The following GRM7 variants were observed in gnomAD, a reference collection of about 807,000 sequenced individuals.
GRM7 encodes glutamate metabotropic receptor 7.
Under a neutral mutation model 84.5 loss-of-function variants are expected in GRM7, and 35 were observed. The ratio of observed to expected loss-of-function variants is 0.41; its 90% confidence interval spans 0.32 to 0.55. The LOEUF (loss-of-function observed/expected upper bound fraction) is 0.55. GRM7 is among the 20% of genes least tolerant of loss of function. The pLI is 0.19. For synonymous variants in GRM7, 487 were observed against 455.1 expected (o/e 1.07, Z -0.89); for missense variants, 1,003 against 1,194.6 (o/e 0.84, Z 2.36).
At chr3:7,739,573 G>T (rs1002543930) in intron 9 of GRM7, among the ~76,000 whole-genome samples, 1 of 152,132 alleles carries the variant, frequency 6.6e-6, no homozygotes, top group Non-Finnish European at 1.5e-5. Context: ...GCACACTCTG[G>T]GATCCTGGTG....
intron 2 of GRM7, among the ~76,000 whole-genome samples, chr3:7,274,833 T>C (rs1322104011): frequency 6.6e-6 from 1 of 152,112 alleles, no homozygotes; most frequent in African/African-American, 2.4e-5. Flanking sequence ...TGTCTGATAT[T>C]AAATTGAGGA....
chr3:7,478,037 A>C (rs1182188294), intron 7 of GRM7, among the ~76,000 whole-genome samples: 4 of 151,948 alleles, frequency 2.6e-5, no homozygotes, highest in Admixed American at 1.3e-4. Flanking sequence ...TTTCTACCAG[A>C]GGTGTTTTTA....
intron 1 of GRM7, among the ~76,000 whole-genome samples, chr3:7,043,880 G>A (rs951063088): frequency 6.6e-6 from 1 of 152,148 alleles, no homozygotes; most frequent in African/African-American, 2.4e-5. Flanking sequence ...GAGTCTCACT[G>A]TGTTGCCCAG....
chr3:7,049,974 A>G (rs1028117711), intron 1 of GRM7, among the ~76,000 whole-genome samples: 5 of 151,920 alleles, frequency 3.3e-5, no homozygotes, highest in African/African-American at 1.2e-4. Context: ...TTTCTACTCC[A>G]GGAGCAATAG....
intron 2 of GRM7, among the ~76,000 whole-genome samples, chr3:7,186,577 G>A (rs1366369410): frequency 1.3e-5 from 2 of 152,152 alleles, no homozygotes. Flanking sequence ...TAATTCAACT[G>A]TGCTGGTTAA....
Position 7,598,928 on chromosome 3 carries a change from A to G in GRM7, c.2451+19571A>G, listed in dbSNP as rs541753542. ...ATGATATAAAGATATCTTGATATCT[A>G]TAGTTAATGAGACCAAAGGGCAAGG... On this transcript the variant is annotated intron_variant, in intron 8 of 9. Transcript: ENST00000357716. Among the ~76,000 whole-genome samples the G allele has an allele frequency of 2.6e-5, 4 of 152,328 alleles. No individual in the cohort carries two copies. The East Asian group carries it at 5.8e-4, about 22-fold the overall frequency.
intron 1 of GRM7, among the ~76,000 whole-genome samples, chr3:6,889,214 G>A (rs1432474550): frequency 1.2e-4 from 18 of 151,888 alleles, no homozygotes; most frequent in Non-Finnish European, 2.4e-4. Context: ...CTAATTGAAT[G>A]CCCTTTATTT....
At chr3:7,452,857 TG>T in intron 6 of GRM7, 50 bp downstream of exon 6, 2 of 1,159,844 alleles carry the variant, frequency 1.7e-6, no homozygotes, top group Non-Finnish European at 2.6e-6. Context: ...GTTGGCATTC[TG>T]TTTCATAAGT....
intron 2 of GRM7, among the ~76,000 whole-genome samples, chr3:7,217,523 T>C (rs1365841526): frequency 6.6e-6 from 1 of 152,108 alleles, no homozygotes; most frequent in Admixed American, 6.6e-5. Context: ...ATTTCAATAA[T>C]AATTTTTAAA....
At chr3:7,577,152 T>G (rs979026946) in intron 7 of GRM7, among the ~76,000 whole-genome samples, 1 of 152,186 alleles carries the variant, frequency 6.6e-6, no homozygotes, top group Non-Finnish European at 1.5e-5. Context: ...ACCTGGGACA[T>G]AATGATGCCA....
chr3:7,305,862 C>T (rs898345841), intron 3 of GRM7, among the ~76,000 whole-genome samples: 12 of 152,064 alleles, frequency 7.9e-5, no homozygotes, highest in African/African-American at 2.7e-4. Context: ...AATGCAGTTA[C>T]ATCTCATCAA....
At chr3:6,875,745 C>T (rs1435282665) in intron 1 of GRM7, among the ~76,000 whole-genome samples, 1 of 152,006 alleles carries the variant, frequency 6.6e-6, no homozygotes, top group Non-Finnish European at 1.5e-5. Context: ...TTTGATCATG[C>T]CAGGGGTGAA....
At chr3:7,045,174 C>T (rs779765330) in intron 1 of GRM7, among the ~76,000 whole-genome samples, 15 of 152,230 alleles carry the variant, frequency 9.9e-5, no homozygotes, top group Middle Eastern at 3.4e-3. Context: ...TTAGTATCAG[C>T]GGTAATAAAT....
At position 7,455,014 on chromosome 3, in the gene GRM7, G is replaced by T. The variant is rs150467431; in HGVS notation, c.1375+2207G>T. 2.8e-3 allele frequency among the ~76,000 whole-genome samples: 433 copies of T among 152,176 alleles called. 3 individuals are homozygous for T. The highest frequency in any genetic ancestry group is 9.8e-3 in the African/African-American group (409 of 41,530). Reference sequence around the variant, plus strand: ...GGGCAGGGAAAGTCCAATATAAGCTGGAGACATGCTGTACCAGAATATAAG... The same window carrying T: ...GGGCAGGGAAAGTCCAATATAAGCTTGAGACATGCTGTACCAGAATATAAG... On this transcript the variant is annotated intron_variant, in intron 6 of 9. Coordinates refer to ENST00000357716, the MANE Select transcript of GRM7 (RefSeq NM_000844.4).
At chr3:7,470,528 A>T (rs1286179619) in intron 7 of GRM7, among the ~76,000 whole-genome samples, 2 of 152,184 alleles carry the variant, frequency 1.3e-5, no homozygotes, top group African/African-American at 4.8e-5. Context: ...TGTCTGCAAG[A>T]TTAATAATAT....
chr3:7,609,292 A>G (rs1696736869), intron 8 of GRM7, among the ~76,000 whole-genome samples: 2 of 152,210 alleles, frequency 1.3e-5, no homozygotes, highest in Non-Finnish European at 2.9e-5. Flanking sequence ...ACTACAGAGA[A>G]GCAGGGAAGT....
At chr3:7,193,337 T>G (rs1232910434) in intron 2 of GRM7, among the ~76,000 whole-genome samples, 1 of 152,132 alleles carries the variant, frequency 6.6e-6, no homozygotes, top group Non-Finnish European at 1.5e-5. Context: ...GCTTATTGGA[T>G]TTCATTAATT....
chr3:7,443,087 C>A (rs981365120), intron 5 of GRM7, among the ~76,000 whole-genome samples: 1 of 151,698 alleles, frequency 6.6e-6, no homozygotes, highest in African/African-American at 2.4e-5. Context: ...TGGTCTTCTC[C>A]CTCTTCTGTT....
At chr3:7,397,975 T>C (rs188249343) in intron 4 of GRM7, among the ~76,000 whole-genome samples, 1 of 152,096 alleles carries the variant, frequency 6.6e-6, no homozygotes, top group African/African-American at 2.4e-5. Flanking sequence ...CAAGTTAAAA[T>C]TGACCCATGT....
Sources: allele counts gnomAD v4.1 joint callset (sites outside exome capture counted in the v4.1 genomes callset), GRCh38; gene constraint gnomAD v4.1.1; transcripts MANE v1.5; gene names NCBI Gene and HGNC (gene_info 2026-07-23, HGNC 2026-07-21).